The following PFKP variants were observed in gnomAD, a reference collection of about 807,000 sequenced individuals.
PFKP encodes ATP-dependent 6-phosphofructokinase, platelet type.
Under a neutral mutation model 94.3 loss-of-function variants are expected in PFKP, and 101 were observed. The observed-to-expected ratio is 1.07, with a 90% CI of 0.91 to 1.26. The LOEUF (loss-of-function observed/expected upper bound fraction) is 1.26. PFKP is among the 50% of genes most tolerant of loss of function. The probability of loss-of-function intolerance (pLI) is 0.00; values close to 1 mark genes in which losing one functional copy is unlikely to be tolerated. For synonymous variants in PFKP, 573 were observed against 432.6 expected, an observed-to-expected ratio of 1.32 and a Z score of -4.03; for missense variants, 1,145 against 1,103.3, an observed-to-expected ratio of 1.04 and a Z score of -0.53.
At chr10:3,127,721 C>G (rs1588558310) in intron 16 of PFKP, among the ~76,000 whole-genome samples, 1 of 152,192 alleles carries the variant, frequency 6.6e-6, no homozygotes, top group Non-Finnish European at 1.5e-5. Context: ...CTCCTAAGCA[C>G]AAAGATGGGA....
chr10:3,100,968 C>A, intron 3 of PFKP: 1 of 1,612,260 alleles, frequency 6.2e-7, no homozygotes, highest in Non-Finnish European at 8.5e-7. Flanking sequence ...CTGGTCACAC[C>A]GCTTCCCTTG....
rs1836712560 is a variant in PFKP, at chr10:3,115,408, AGGT to A, written c.1372-1366_1372-1364del. Among the ~76,000 whole-genome samples, 2 of 115,110 alleles carry A rather than the reference AGGT, an allele frequency of 1.7e-5. 1 individual carries two copies. The highest frequency in any genetic ancestry group is 3.7e-5 in the Non-Finnish European group (2 of 53,452). 75.5% of individuals were successfully genotyped at this position (115,110 alleles called of 152,430 possible). ...AACAGGACTGGGGATGCCGGGGTGA[AGGT>A]GTGTGTCCCGCCATGGAGGACAGGA... On this transcript the variant is annotated intron_variant, in intron 13 of 21. Coordinates refer to ENST00000381125, the MANE Select transcript of PFKP (RefSeq NM_002627.5).
intron 10 of PFKP, among the ~76,000 whole-genome samples, chr10:3,110,890 G>A (rs1836148298): frequency 1.3e-5 from 2 of 151,948 alleles, no homozygotes; most frequent in African/African-American, 4.8e-5. Context: ...ATGTATGTGT[G>A]TGCATGTTTG....
chr10:3,105,297 G>C, intron 6 of PFKP, 96 bp from the exon 7 acceptor site: 1 of 1,307,252 alleles, frequency 7.6e-7, no homozygotes. Flanking sequence ...CATACCTGGC[G>C]TTAGGTCTGC....
At position 3,067,608 on chromosome 10, in the gene PFKP, G is replaced by A. The variant is rs1831824403; in HGVS notation, c.13G>A (p.Asp5Asn). 2 of 1,524,116 alleles carry A rather than the reference G, an allele frequency of 1.3e-6. No homozygotes were observed. The highest frequency in any genetic ancestry group is 1.4e-5 in the African/African-American group (1 of 70,240). The allele number at this position is 1,524,116 out of a possible 1,614,324, so 94.4% of individuals were successfully genotyped here. ...CGGCCTCCTCGCCATGGACGCGGAC[G>A]ACTCCCGGGCCCCCAAGGGCTCCTT... MDAD[D>N]SRAPKGSLRK... Residue 5 changes from aspartate to asparagine, a missense_variant, in exon 1 of 22, where the codon GAC (aspartate) becomes AAC (asparagine). This residue lies in a region of PFKP where 1,119 missense variants were observed against 1,062.8 expected (regional missense o/e 1.05). Transcript: ENST00000381125.
At chr10:3,136,387 C>T (rs1588599460) in intron 21 of PFKP, 63 bp from the exon 22 acceptor site, 2 of 1,580,274 alleles carry the variant, frequency 1.3e-6, no homozygotes, top group Admixed American at 1.7e-5. Flanking sequence ...CTGTGCTGGC[C>T]AGGCGGAGGC....
chr10:3,115,362 G>A (rs71502281), intron 13 of PFKP, among the ~76,000 whole-genome samples: 18,299 of 53,682 alleles, frequency 0.34, 4,839 homozygotes, highest in East Asian at 0.65. Flanking sequence ...CTGGAGTGAA[G>A]GTGTGTGTCC....
intron 8 of PFKP, 60 bp downstream of exon 8, chr10:3,107,369 C>T (rs574114721): frequency 1.8e-5 from 18 of 992,776 alleles, no homozygotes; most frequent in African/African-American, 9.6e-5. Context: ...GGGAGGCTAG[C>T]GTCATGGGCA....
In PFKP at chr10:3,093,928, C is replaced by G. The variant is rs558798729; in HGVS notation, c.187-5347C>G. Among the ~76,000 whole-genome samples, 4 of 152,340 alleles carry G rather than the reference C, an allele frequency of 2.6e-5. No homozygotes were observed. In the South Asian group the frequency reaches 6.2e-4, roughly 24 times the overall value. ...AAAGTGCTGGGATTACAGGCGTGAG[C>G]CACCGCATCTGTCGTAGCATTATCT... On this transcript the variant is annotated intron_variant, in intron 2 of 21. Coordinates refer to ENST00000381125, the MANE Select transcript of PFKP (RefSeq NM_002627.5).
chr10:3,108,128 A>G (rs570355574), intron 8 of PFKP: 1 of 768,882 alleles, frequency 1.3e-6, no homozygotes, highest in East Asian at 6.5e-5. Context: ...TTCCCGCTTA[A>G]CTGTAATTAA....
chr10:3,098,425 C>T (rs1834675275), intron 2 of PFKP, among the ~76,000 whole-genome samples: 3 of 151,932 alleles, frequency 2.0e-5, no homozygotes, highest in Non-Finnish European at 4.4e-5. Flanking sequence ...CCTGTAATTC[C>T]AGCACTTTGG....
Position 3,136,685 on chromosome 10 carries a change from T to TGC in PFKP, c.*106_*107insGC. ...TGCACGTATTATTGACATTAATACC[T>TGC]AATCGGCGAGTGCCCATCTGCCCCA... On this transcript the variant is annotated 3_prime_UTR_variant, in exon 22 of 22. Coordinates refer to ENST00000381125, the MANE Select transcript of PFKP (RefSeq NM_002627.5). The TGC allele has an allele frequency of 1.6e-6, 2 of 1,277,292 alleles. No homozygotes were observed. Among genetic ancestry groups the TGC allele is most frequent in the Non-Finnish European group, 2.2e-6 (2 of 919,388 alleles). 79.1% of individuals were successfully genotyped at this position (1,277,292 alleles called of 1,614,324 possible). A position where few individuals can be genotyped will look rare whatever the true frequency, so the allele number is the denominator to read the frequency against.
intron 3 of PFKP, among the ~76,000 whole-genome samples, chr10:3,099,571 G>A (rs997277458): frequency 3.3e-5 from 5 of 152,200 alleles, no homozygotes; most frequent in South Asian, 2.1e-4. Context: ...AATCCAAATC[G>A]GTGCCTCCCC....
In PFKP at chr10:3,105,394, T is replaced by C; in HGVS notation, c.667T>C (p.Tyr223His). ...GATGCTGTTGCCTTGTCCACATAGG[T>C]ACCTGGCCCTGGTGAGTGCCTTGGC... is the stretch of plus-strand genomic sequence containing the variant. Reference protein sequence around the residue: ...VLEVMGRHCGYLALVSALACG... With the variant: ...VLEVMGRHCGHLALVSALACG... Residue 223 changes from tyrosine (Y) to histidine (H), a missense_variant and splice_region_variant, in exon 7 of 22, where the codon TAC becomes CAC. Physicochemically the swap from Tyr to His is moderately conservative, Grantham distance 83. Transcript: ENST00000381125. The C allele has an allele frequency of 6.2e-7, 1 of 1,611,884 alleles. No individual in the cohort carries two copies. Among genetic ancestry groups the C allele is most frequent in the Non-Finnish European group, 8.5e-7 (1 of 1,178,106 alleles).
At chr10:3,130,338 TTC>T (rs1355748327) in intron 17 of PFKP, among the ~76,000 whole-genome samples, 2 of 152,210 alleles carry the variant, frequency 1.3e-5, no homozygotes, top group South Asian at 2.1e-4. Context: ...TTGCTGCAGC[TTC>T]TTTTAAATCC....
At position 3,113,500 on chromosome 10, in the gene PFKP, C is replaced by T. The variant is rs138349974; in HGVS notation, c.1353C>T (p.Asp451=). The stretch of plus-strand genomic sequence containing the variant: ...TGCTCGCCATCTATGATGGCTTTGA[C>T]GGCTTCGCCAAGGGCCAGGTGAGTC... ...HRMLAIYDGF[D]GFAKGQIKEI... is the part of the protein sequence containing the mutation. Residue 451 remains aspartate (D), a synonymous_variant, in exon 13 of 22, where the codon GAC becomes GAT. Coordinates refer to ENST00000381125, the MANE Select transcript of PFKP (RefSeq NM_002627.5). The T allele has an allele frequency of 5.2e-5, 84 of 1,612,860 alleles. No homozygotes were observed. Among genetic ancestry groups the T allele is most frequent in the African/African-American group, 1.7e-4 (13 of 74,958 alleles).
chr10:3,101,121 G>A, intron 3 of PFKP: 1 of 870,512 alleles, frequency 1.1e-6, no homozygotes, highest in Non-Finnish European at 1.9e-6. Flanking sequence ...TGGCTGCCGT[G>A]TGTCTGGCTC....
At chr10:3,091,784 AAAAAAG>A (rs1168518622) in intron 2 of PFKP, among the ~76,000 whole-genome samples, 3 of 152,022 alleles carry the variant, frequency 2.0e-5, no homozygotes, top group Non-Finnish European at 4.4e-5. Context: ...AGACTGTGTC[AAAAAAG>A]AAAAAGAAAA....
At chr10:3,113,252 C>G in intron 12 of PFKP, 64 bp downstream of exon 12, 4 of 1,583,340 alleles carry the variant, frequency 2.5e-6, no homozygotes, top group Non-Finnish European at 3.4e-6. Context: ...TGGCCTCTGC[C>G]TCAGTGAATG....
Sources: allele counts gnomAD v4.1 joint callset (sites outside exome capture counted in the v4.1 genomes callset), GRCh38; gene constraint gnomAD v4.1.1; regional missense constraint gnomAD v4.1.1; transcripts MANE v1.5; gene names NCBI Gene and HGNC (gene_info 2026-07-23, HGNC 2026-07-21).